MBD5: variants seen among roughly 807,000 people sequenced by gnomAD.
The protein encoded by MBD5 is methyl-CpG-binding domain protein 5.
Under a neutral mutation model 117.3 loss-of-function variants are expected in MBD5, and 13 were observed. The ratio of observed to expected loss-of-function variants is 0.11; its 90% confidence interval spans 0.07 to 0.18. The LOEUF (loss-of-function observed/expected upper bound fraction) is 0.18, where lower values mean the gene tolerates loss of function less well. Among genes scored for constraint, MBD5 ranks in the 10% least tolerant of loss-of-function variants. The pLI, the probability that MBD5 is intolerant of heterozygous loss-of-function variation, is 1.00. For missense variants in MBD5, 1,879 were observed against 2,093.8 expected (o/e 0.90, Z 2.00); for synonymous variants, 727 against 766.4 (o/e 0.95, Z 0.85).
At chr2:148,113,345 A>G (rs1696547075) in intron 1 of MBD5, among the ~76,000 whole-genome samples, 1 of 152,108 alleles carries the variant, frequency 6.6e-6, no homozygotes, top group Non-Finnish European at 1.5e-5. Flanking sequence ...TCCTGGGAAT[A>G]TTACCTTGTC....
intron 3 of MBD5, among the ~76,000 whole-genome samples, chr2:148,275,021 G>A (rs1464522680): frequency 1.3e-5 from 2 of 152,152 alleles, no homozygotes; most frequent in Non-Finnish European, 2.9e-5. Flanking sequence ...GTGAGCCACT[G>A]TGCCTGGCGT....
chr2:148,128,112 T>A (rs1282733785), intron 1 of MBD5, among the ~76,000 whole-genome samples: 1 of 152,230 alleles, frequency 6.6e-6, no homozygotes, highest in Non-Finnish European at 1.5e-5. Context: ...TTAAGTTTCT[T>A]GTAGACTCTG....
intron 3 of MBD5, among the ~76,000 whole-genome samples, chr2:148,294,297 T>G (rs1370319380): frequency 6.8e-6 from 1 of 146,744 alleles, no homozygotes. Context: ...TGATCTCGGC[T>G]CACTGCAAGC....
intron 3 of MBD5, among the ~76,000 whole-genome samples, chr2:148,327,210 T>G (rs1188194381): frequency 1.3e-5 from 2 of 152,150 alleles, no homozygotes; most frequent in African/African-American, 2.4e-5. Flanking sequence ...AGATCTGCTG[T>G]TAGTCTTATG....
At chr2:148,091,085 T>G (rs1695928775) in intron 1 of MBD5, among the ~76,000 whole-genome samples, 1 of 151,982 alleles carries the variant, frequency 6.6e-6, no homozygotes, top group Non-Finnish European at 1.5e-5. Flanking sequence ...AATAAAATGC[T>G]TAGGAAATCT....
At chr2:148,151,814 T>C (rs1470031798) in intron 1 of MBD5, among the ~76,000 whole-genome samples, 1 of 152,014 alleles carries the variant, frequency 6.6e-6, no homozygotes, top group African/African-American at 2.4e-5. Context: ...TTATTGCGTC[T>C]ATTTGATTCT....
intron 4 of MBD5, among the ~76,000 whole-genome samples, chr2:148,406,818 C>G (rs1705092736): frequency 6.6e-6 from 1 of 152,186 alleles, no homozygotes; most frequent in Admixed American, 6.5e-5. Context: ...CCCTGATTCT[C>G]TTCCTACGGT....
At chr2:148,258,862 G>A (rs759058283) in intron 3 of MBD5, among the ~76,000 whole-genome samples, 13 of 152,126 alleles carry the variant, frequency 8.5e-5, no homozygotes, top group African/African-American at 1.7e-4. Context: ...TCTTTAAGGC[G>A]CAGACCCCTT....
chr2:148,080,496 T>C (rs1410751742), intron 1 of MBD5, among the ~76,000 whole-genome samples: 2 of 152,178 alleles, frequency 1.3e-5, no homozygotes, highest in East Asian at 3.8e-4. Context: ...ATAATGCTTT[T>C]TTTAAAAAAA....
intron 3 of MBD5, among the ~76,000 whole-genome samples, chr2:148,255,946 A>G (rs1442648628): frequency 6.6e-6 from 1 of 152,254 alleles, no homozygotes; most frequent in East Asian, 1.9e-4. Flanking sequence ...GTGACCATAC[A>G]GGGGACATAA....
intron 3 of MBD5, among the ~76,000 whole-genome samples, chr2:148,304,698 T>A (rs1184849317): frequency 6.6e-6 from 1 of 152,056 alleles, no homozygotes; most frequent in Non-Finnish European, 1.5e-5. Flanking sequence ...TGGGTGTCAG[T>A]GGATGGAAAA....
intron 1 of MBD5, among the ~76,000 whole-genome samples, chr2:148,093,722 G>T (rs958651697): frequency 2.0e-5 from 3 of 151,970 alleles, no homozygotes; most frequent in African/African-American, 7.2e-5. Context: ...TAAATATTCA[G>T]ATATTGACAC....
chr2:148,337,798 C>CT (rs372484941), intron 3 of MBD5, among the ~76,000 whole-genome samples: 1 of 152,110 alleles, frequency 6.6e-6, no homozygotes. Flanking sequence ...GCAAAGGTAT[C>CT]TTTTTTTCCT....
At chr2:148,045,975 T>C (rs1011345421) in intron 1 of MBD5, among the ~76,000 whole-genome samples, 1 of 45,350 alleles carries the variant, frequency 2.2e-5, no homozygotes. Context: ...ATGAAGTGCC[T>C]TTTTTTTTTT....
At chr2:148,364,331 GC>G (rs1337943108) in intron 4 of MBD5, among the ~76,000 whole-genome samples, 2 of 152,162 alleles carry the variant, frequency 1.3e-5, no homozygotes, top group Non-Finnish European at 2.9e-5. Flanking sequence ...CCTTACAAGA[GC>G]TCCTGAAGGA....
At chr2:148,215,521 T>C (rs1699529366) in intron 2 of MBD5, among the ~76,000 whole-genome samples, 1 of 152,190 alleles carries the variant, frequency 6.6e-6, no homozygotes, top group African/African-American at 2.4e-5. Flanking sequence ...TTTTTGTTTT[T>C]GAGTGGGCAG....
chr2:148,156,411 A>C (rs1032267260), intron 1 of MBD5, among the ~76,000 whole-genome samples: 6 of 152,230 alleles, frequency 3.9e-5, no homozygotes, highest in Non-Finnish European at 7.3e-5. Context: ...AGATTCTAAG[A>C]GTGCTCTTTC....
intron 3 of MBD5, among the ~76,000 whole-genome samples, chr2:148,300,445 T>C (rs1397300347): frequency 6.6e-6 from 1 of 152,038 alleles, no homozygotes; most frequent in Non-Finnish European, 1.5e-5. Flanking sequence ...GTGTCTTCCC[T>C]ATCATCACTT....
chr2:148,048,852 G>A lies in MBD5; in HGVS notation c.-925+27168G>A, dbSNP rs748302111. Among the ~76,000 whole-genome samples the A allele has an allele frequency of 4.6e-5, 7 of 152,126 alleles. No individual in the cohort carries two copies. In the East Asian group the frequency reaches 1.4e-3, roughly 29 times the overall value. ...AAAAGAAGTGAATAAATTTCCTAGG[G>A]TGGGTATGAGATAAGCCTCTCTGTG... On this transcript the variant is annotated intron_variant, in intron 1 of 13. Transcript: ENST00000642680.
Sources: allele counts gnomAD v4.1 joint callset (sites outside exome capture counted in the v4.1 genomes callset), GRCh38; gene constraint gnomAD v4.1.1; transcripts MANE v1.5; gene names NCBI Gene and HGNC (gene_info 2026-07-23, HGNC 2026-07-21).